The following PEX14 variants were observed in gnomAD, a reference collection of about 807,000 sequenced individuals.
PEX14 encodes peroxisomal membrane protein PEX14.
A neutral mutation model predicts 49.5 loss-of-function variants in PEX14; 15 were observed. The ratio of observed to expected loss-of-function variants is 0.30; its 90% CI spans 0.20 to 0.47. The LOEUF is 0.47. PEX14 is among the 20% of genes least tolerant of loss of function. The pLI, the probability that PEX14 is intolerant of heterozygous loss-of-function variation, is 1.00. For missense variants in PEX14, 398 were observed against 494.8 expected, an observed-to-expected ratio of 0.80 and a Z score of 1.86; for synonymous variants, 210 against 212.7, an observed-to-expected ratio of 0.99 and a Z score of 0.11.
At chr1:10,622,453 G>C (rs1487824330) in intron 5 of PEX14, among the ~76,000 whole-genome samples, 1 of 152,198 alleles carries the variant, frequency 6.6e-6, no homozygotes, top group South Asian at 2.1e-4. Context: ...ATCCCCTGGC[G>C]AGAGAACCAA....
chr1:10,491,231 A>G lies in PEX14; in HGVS notation c.37-4043A>G, dbSNP rs111827320. Reference sequence around the variant, plus strand: ...TAAAAAAATGTTCACAGGGTAGGCCATGATTAAAAAAATAAAAAAAAGGCC... The same window carrying G: ...TAAAAAAATGTTCACAGGGTAGGCCGTGATTAAAAAAATAAAAAAAAGGCC... On this transcript the variant is annotated intron_variant, in intron 1 of 8. Transcript: ENST00000356607. Among the ~76,000 whole-genome samples the G allele has an allele frequency of 1.1e-4, 16 of 152,132 alleles. 2 individuals carry two copies. The highest frequency in any genetic ancestry group is 3.9e-4 in the African/African-American group (16 of 41,500).
chr1:10,587,239 G>A (rs191872481), intron 3 of PEX14, among the ~76,000 whole-genome samples: 1 of 152,076 alleles, frequency 6.6e-6, no homozygotes, highest in East Asian at 1.9e-4. Context: ...GATGGATCAC[G>A]TGAAGCCAGG....
At chr1:10,502,811 TTTA>T (rs1641705072) in intron 2 of PEX14, among the ~76,000 whole-genome samples, 2 of 150,686 alleles carry the variant, frequency 1.3e-5, no homozygotes, top group Middle Eastern at 3.4e-3. Flanking sequence ...TTTTTTTTTT[TTTA>T]ATGACAGAGT....
At position 10,623,015 on chromosome 1, in the gene PEX14, G is replaced by A. The variant is rs777256619; in HGVS notation, c.385-4G>A. On this transcript the variant is annotated splice_region_variant and splice_polypyrimidine_tract_variant and intron_variant, in intron 5 of 8. Coordinates refer to ENST00000356607, the MANE Select transcript of PEX14 (RefSeq NM_004565.3). The surrounding 1 kb of genome is among the most constrained non-coding windows in gnomAD (Gnocchi z 4.4). The stretch of plus-strand genomic sequence containing the variant: ...CATTCCTCACCCTGTCCCGCTTCTT[G>A]CAGAAATACCTGCTCCCCCTCATCC... 1 of 1,608,616 alleles carries A rather than the reference G, an allele frequency of 6.2e-7. No individual in the cohort carries two copies. Among genetic ancestry groups the A allele is most frequent in the Admixed American group, 1.7e-5 (1 of 59,932 alleles).
chr1:10,545,771 C>T (rs765892330), intron 3 of PEX14, among the ~76,000 whole-genome samples: 20 of 152,244 alleles, frequency 1.3e-4, no homozygotes, highest in Admixed American at 3.3e-4. Context: ...TGGCTGGGTG[C>T]GGTGGCTCAA....
At chr1:10,577,777 T>A (rs1284153192) in intron 3 of PEX14, among the ~76,000 whole-genome samples, 1 of 138,476 alleles carries the variant, frequency 7.2e-6, no homozygotes, top group Non-Finnish European at 1.6e-5. Context: ...ATTTTTTGTA[T>A]TTTTTTTAGT....
intron 2 of PEX14, among the ~76,000 whole-genome samples, chr1:10,527,473 C>T (rs1443951091): frequency 2.0e-5 from 3 of 146,738 alleles, no homozygotes; most frequent in Admixed American, 2.0e-4. Flanking sequence ...GCCGAGATCA[C>T]GCCACTGCAC....
At chr1:10,488,913 T>C (rs1329430864) in intron 1 of PEX14, among the ~76,000 whole-genome samples, 3 of 152,248 alleles carry the variant, frequency 2.0e-5, no homozygotes. Context: ...ACTAGTTATA[T>C]CGTCTGGTTT....
chr1:10,478,716 C>G (rs1172287051), intron 1 of PEX14, among the ~76,000 whole-genome samples: 1 of 151,808 alleles, frequency 6.6e-6, no homozygotes, highest in Admixed American at 6.6e-5. Flanking sequence ...GTAACCGGGA[C>G]TACAGGTGTG....
At chr1:10,572,426 A>G (rs1013895088) in intron 3 of PEX14, among the ~76,000 whole-genome samples, 2 of 152,260 alleles carry the variant, frequency 1.3e-5, no homozygotes, top group Non-Finnish European at 2.9e-5. Flanking sequence ...AAAGGATGCT[A>G]CATCAAAATC....
Position 10,623,192 on chromosome 1 carries a change from C to A in PEX14, c.487+71C>A. 1 of 943,598 alleles carries A rather than the reference C, an allele frequency of 1.1e-6. No individual in the cohort carries two copies. Among genetic ancestry groups the A allele is most frequent in the South Asian group, 1.4e-5 (1 of 72,624 alleles). The allele number at this position is 943,598 out of a possible 1,614,324, so 58.5% of individuals were successfully genotyped here. On this transcript the variant is annotated intron_variant, in intron 6 of 8. Coordinates refer to ENST00000356607, the MANE Select transcript of PEX14 (RefSeq NM_004565.3). This position sits in a 1 kb window ranked among gnomAD's most constrained non-coding sequence, Gnocchi z 4.4. ...AAGCAGCCCCTTCTCTGCCCCTCCC[C>A]TCTCCCTCTGTCTCCACTCTATGTG... is the stretch of plus-strand genomic sequence containing the variant.
intron 2 of PEX14, among the ~76,000 whole-genome samples, chr1:10,513,800 T>C (rs1641925052): frequency 6.6e-6 from 1 of 152,208 alleles, no homozygotes; most frequent in Non-Finnish European, 1.5e-5. Context: ...CACTGGCTGC[T>C]ATATTGACTG....
intron 3 of PEX14, among the ~76,000 whole-genome samples, chr1:10,586,982 G>T (rs1640512894): frequency 6.6e-6 from 1 of 152,016 alleles, no homozygotes; most frequent in African/African-American, 2.4e-5. Context: ...TGAATCTGTG[G>T]TATTAGAAGT....
chr1:10,500,373 C>CAAAAAAAAAAAAAAAAA (rs750781683), intron 2 of PEX14, among the ~76,000 whole-genome samples: 12 of 43,678 alleles, frequency 2.7e-4, no homozygotes, highest in East Asian at 1.7e-3. Flanking sequence ...GATTCTGTCT[C>CAAAAAAAAAAAAAAAAA]AAAAAAAAAA....
chr1:10,618,167 C>A (rs1641481182), intron 4 of PEX14, among the ~76,000 whole-genome samples, 165 bp from the exon 5 acceptor site: 2 of 152,200 alleles, frequency 1.3e-5, no homozygotes, highest in African/African-American at 4.8e-5. Context: ...AGGGGTGGAG[C>A]CGGCTGCTGT....
In PEX14 at chr1:10,589,228, C is replaced by T. The variant is rs1268913187; in HGVS notation, c.170-10010C>T. Among the ~76,000 whole-genome samples the T allele has an allele frequency of 4.6e-5, 7 of 152,112 alleles. No homozygotes were observed. The East Asian group carries it at 9.6e-4, about 21-fold the overall frequency. On this transcript the variant is annotated intron_variant, in intron 3 of 8. Coordinates refer to ENST00000356607, the MANE Select transcript of PEX14 (RefSeq NM_004565.3). ...ACATAGTCTGCATTGCATGTGAGTG[C>T]CAAGCTGTGTGGGGGAAAATAGCCT...
intron 3 of PEX14, among the ~76,000 whole-genome samples, chr1:10,538,680 G>T (rs1232395862): frequency 6.6e-6 from 1 of 152,258 alleles, no homozygotes; most frequent in Non-Finnish European, 1.5e-5. Context: ...GCTCAGCACG[G>T]CCTGGCACCG....
intron 3 of PEX14, among the ~76,000 whole-genome samples, chr1:10,565,513 A>C (rs935893453): frequency 6.6e-6 from 1 of 152,128 alleles, no homozygotes; most frequent in African/African-American, 2.4e-5. Flanking sequence ...TTTACAAGCT[A>C]TTTCATCTCA....
chr1:10,627,406 A>G, intron 8 of PEX14, 43 bp downstream of exon 8: 1 of 1,373,662 alleles, frequency 7.3e-7, no homozygotes, highest in Non-Finnish European at 1.0e-6. Context: ...CGGGCCTGGA[A>G]AGGAGGACTG....
Sources: gnomAD v4.1 joint callset for allele counts (sites outside exome capture counted in the v4.1 genomes callset) on GRCh38, gnomAD v4.1.1 for gene constraint, Gnocchi (gnomAD v3.1) non-coding constraint, MANE v1.5 for transcripts, NCBI Gene and HGNC (gene_info 2026-07-23, HGNC 2026-07-21) for gene names.